Variants in GFOD1 observed in about 807,000 individuals in gnomAD.
The protein encoded by GFOD1 is Gfo/Idh/MocA-like oxidoreductase domain containing 1, also known as glucose-fructose oxidoreductase domain-containing protein 1.
Under a neutral mutation model 25.4 loss-of-function variants are expected in GFOD1, and 9 were observed. The ratio of observed to expected loss-of-function variants is 0.35; its 90% CI spans 0.21 to 0.62. GFOD1 has a LOEUF of 0.62. Among genes scored for constraint, GFOD1 ranks in the 20% least tolerant of loss-of-function variants. The pLI is 0.72. For synonymous variants in GFOD1, 253 were observed against 245.6 expected (o/e 1.03, Z -0.28); for missense variants, 403 against 556.9 (o/e 0.72, Z 2.78).
At chr6:13,461,747 C>T (rs1218084339) in intron 1 of GFOD1, among the ~76,000 whole-genome samples, 3 of 152,184 alleles carry the variant, frequency 2.0e-5, no homozygotes, top group African/African-American at 7.2e-5. Flanking sequence ...GGCTCTTTCT[C>T]CATCATCCCA....
chr6:13,418,668 C>T (rs1159378777), intron 1 of GFOD1, among the ~76,000 whole-genome samples: 1 of 152,174 alleles, frequency 6.6e-6, no homozygotes, highest in Non-Finnish European at 1.5e-5. Context: ...CTTATTCATA[C>T]TCTTAGCTTA....
intron 1 of GFOD1, among the ~76,000 whole-genome samples, chr6:13,395,223 G>A (rs1157349684): frequency 6.6e-6 from 1 of 152,088 alleles, no homozygotes; most frequent in Non-Finnish European, 1.5e-5. Flanking sequence ...TGAAAAAATT[G>A]CCCTCACAAT....
intron 1 of GFOD1, among the ~76,000 whole-genome samples, chr6:13,479,790 G>A (rs1758707938): frequency 6.6e-6 from 1 of 152,134 alleles, no homozygotes; most frequent in African/African-American, 2.4e-5. Flanking sequence ...TAATGCCCAA[G>A]GGCTTCCTCG....
At chr6:13,391,968 G>T (rs1785623175) in intron 1 of GFOD1, among the ~76,000 whole-genome samples, 3 of 152,182 alleles carry the variant, frequency 2.0e-5, no homozygotes, top group Admixed American at 6.5e-5. Flanking sequence ...GAACAGGCCT[G>T]CCCATGGCAT....
At chr6:13,406,134 GAAAGAACCCAC>G (rs1785940601) in intron 1 of GFOD1, among the ~76,000 whole-genome samples, 1 of 152,164 alleles carries the variant, frequency 6.6e-6, no homozygotes, top group Admixed American at 6.5e-5. Flanking sequence ...GGCAGGGGTG[GAAAGAACCCAC>G]AAATGTTCTC....
At chr6:13,383,968 G>A (rs1785416078) in intron 1 of GFOD1, among the ~76,000 whole-genome samples, 1 of 152,214 alleles carries the variant, frequency 6.6e-6, no homozygotes, top group South Asian at 2.1e-4. Flanking sequence ...GCTCACGTCT[G>A]TAAATCCTAA....
intron 1 of GFOD1, among the ~76,000 whole-genome samples, chr6:13,369,773 T>G (rs1183199217): frequency 6.6e-6 from 1 of 152,152 alleles, no homozygotes; most frequent in Non-Finnish European, 1.5e-5. Flanking sequence ...AAATGATGCT[T>G]ATGGAGACTT....
intron 1 of GFOD1, chr6:13,407,937 C>T (rs1426880287): frequency 2.0e-6 from 2 of 985,024 alleles, no homozygotes; most frequent in East Asian, 1.1e-4. Flanking sequence ...GGAGATTGCC[C>T]AACCAAAGAG....
chr6:13,420,979 G>A (rs1786246648), intron 1 of GFOD1, among the ~76,000 whole-genome samples: 1 of 152,148 alleles, frequency 6.6e-6, no homozygotes, highest in African/African-American at 2.4e-5. Flanking sequence ...AGTGGCGAGG[G>A]GGAGCCACGA....
chr6:13,459,589 A>C (rs1422055484), intron 1 of GFOD1, among the ~76,000 whole-genome samples: 1 of 152,162 alleles, frequency 6.6e-6, no homozygotes. Flanking sequence ...AATGGGAAAA[A>C]ATTTTTGCAA....
At chr6:13,477,668 G>C (rs772587789) in intron 1 of GFOD1, among the ~76,000 whole-genome samples, 1 of 151,928 alleles carries the variant, frequency 6.6e-6, no homozygotes. Context: ...TAACTAGGTT[G>C]GTATTAATAG....
intron 1 of GFOD1, among the ~76,000 whole-genome samples, chr6:13,383,559 G>A (rs1163875397): frequency 2.0e-5 from 3 of 152,256 alleles, no homozygotes; most frequent in African/African-American, 7.2e-5. Context: ...GGGTGGCAGA[G>A]TTCTATCTGA....
chr6:13,383,598 T>C (rs501987), intron 1 of GFOD1, among the ~76,000 whole-genome samples: 86,428 of 152,146 alleles, frequency 0.57, 24,835 homozygotes, highest in East Asian at 0.73. Flanking sequence ...CAGTGCCCCA[T>C]AGGCATACAC....
intron 1 of GFOD1, chr6:13,486,246 AT>A (rs1163853849): frequency 8.5e-4 from 139 of 163,638 alleles, no homozygotes; most frequent in African/African-American, 7.5e-3. Flanking sequence ...CCACCCCCCC[AT>A]CCCCCCCCCC....
At chr6:13,431,789 A>G (rs553207589) in intron 1 of GFOD1, among the ~76,000 whole-genome samples, 1 of 152,348 alleles carries the variant, frequency 6.6e-6, no homozygotes, top group South Asian at 2.1e-4. Context: ...CAAGTATGAA[A>G]TGTCACCAGC....
intron 1 of GFOD1, chr6:13,469,302 ATT>A (rs1298510242): frequency 1.9e-5 from 19 of 984,948 alleles, no homozygotes; most frequent in Admixed American, 6.1e-5. Context: ...TTTGCCATTT[ATT>A]TTAGCCTCTT....
intron 1 of GFOD1, 139 bp downstream of exon 1, chr6:13,486,499 C>T: frequency 1.4e-6 from 1 of 732,914 alleles, no homozygotes. Flanking sequence ...TGAGTCGGAT[C>T]TGGGATCTCA....
At chr6:13,396,515 G>A (rs188745238) in intron 1 of GFOD1, among the ~76,000 whole-genome samples, 7 of 152,300 alleles carry the variant, frequency 4.6e-5, no homozygotes, top group Admixed American at 1.3e-4. Context: ...ACTGAATGTC[G>A]ACATCCCGAT....
chr6:13,366,405 G>A lies in GFOD1; in HGVS notation c.254-743C>T, dbSNP rs143160250. Among the ~76,000 whole-genome samples, 411 of 151,956 alleles carry A rather than the reference G, an allele frequency of 2.7e-3. 2 individuals are homozygous for A. Among genetic ancestry groups the A allele is most frequent in the Non-Finnish European group, 1.9e-3 (129 of 67,956 alleles). The stretch of plus-strand genomic sequence containing the variant: ...GGCTGGAGTGCAATGGCACCATCTC[G>A]GCTCACTGCAACCTCCACCTCCTGG... On this transcript the variant is annotated intron_variant, in intron 1 of 1. Transcript: ENST00000379287.
Sources: allele counts gnomAD v4.1 joint callset (sites outside exome capture counted in the v4.1 genomes callset), GRCh38; gene constraint gnomAD v4.1.1; transcripts MANE v1.5; gene names NCBI Gene and HGNC (gene_info 2026-07-23, HGNC 2026-07-21).